UBE3D: variants seen among roughly 807,000 people sequenced by gnomAD.
UBE3D encodes ubiquitin protein ligase E3D.
Under a neutral mutation model 49.6 loss-of-function variants are expected in UBE3D, and 48 were observed. The observed-to-expected ratio is 0.97, with a 90% confidence interval of 0.77 to 1.23. The LOEUF is 1.23. Among genes scored for constraint, UBE3D ranks in the 50% most tolerant of loss-of-function variants. The pLI is 0.00. For missense variants in UBE3D, 452 were observed against 468.4 expected, an observed-to-expected ratio of 0.96 and a Z score of 0.32; for synonymous variants, 189 against 174.2, an observed-to-expected ratio of 1.08 and a Z score of -0.67.
intron 6 of UBE3D, among the ~76,000 whole-genome samples, chr6:83,023,408 T>C (rs1363727186): frequency 6.6e-6 from 1 of 152,162 alleles, no homozygotes. Flanking sequence ...ATATGTGTGG[T>C]TTGGTTCAAC....
At chr6:82,890,807 A>G (rs1770965579), downstream of UBE3D, among the ~76,000 whole-genome samples, 2 of 152,220 alleles carry the variant, frequency 1.3e-5, no homozygotes, top group African/African-American at 4.8e-5. Context: ...TTTTTTGAGC[A>G]GTACAGAGTT....
Position 83,044,561 on chromosome 6 carries a change from T to C in UBE3D, c.464A>G (p.His155Arg). 1.2e-6 allele frequency: 2 copies of C among 1,614,102 alleles called. No homozygotes were observed. Among genetic ancestry groups the C allele is most frequent in the Non-Finnish European group, 8.5e-7 (1 of 1,179,984 alleles). The change falls in exon 4 of 10, where the codon CAT (histidine) becomes CGT (arginine). Residue 155 changes from histidine to arginine, a missense_variant. Physicochemically the swap from His to Arg is conservative, Grantham distance 29 (BLOSUM62 0). Coordinates refer to ENST00000369747, the MANE Select transcript of UBE3D (RefSeq NM_198920.3). ...HPDPFANKSL[H>R]PQENDCFIGD... ...AATAAAACAGTCATTCTCTTGCGGA[T>C]GAAGTGATTTATTAGCAAAGGGGTC...
At chr6:82,921,967 G>A (rs1414239803) in intron 9 of UBE3D, among the ~76,000 whole-genome samples, 1 of 152,078 alleles carries the variant, frequency 6.6e-6, no homozygotes, top group Non-Finnish European at 1.5e-5. Flanking sequence ...CAGAACTTAT[G>A]GGAAGATTTG....
intron 9 of UBE3D, among the ~76,000 whole-genome samples, chr6:82,902,520 G>C (rs1771812026): frequency 6.6e-6 from 1 of 152,046 alleles, no homozygotes; most frequent in Non-Finnish European, 1.5e-5. Flanking sequence ...AATCTCAAAA[G>C]GTTACATACT....
intron 9 of UBE3D, among the ~76,000 whole-genome samples, chr6:82,906,557 ATT>A (rs1657527510): frequency 6.6e-6 from 1 of 152,106 alleles, no homozygotes; most frequent in African/African-American, 2.4e-5. Flanking sequence ...TGTCTTGTAC[ATT>A]TCTTATCTCA....
chr6:83,044,636 A>G lies in UBE3D; in HGVS notation c.389T>C (p.Leu130Pro), dbSNP rs1461237076. The change falls in exon 4 of 10, where the codon CTG becomes CCG. Residue 130 changes from leucine (L) to proline (P), a missense_variant. Leu to Pro is a moderately conservative substitution (Grantham distance 98, BLOSUM62 -3). Coordinates refer to ENST00000369747, the MANE Select transcript of UBE3D (RefSeq NM_198920.3). ...KDRKLLRVLP[L>P]PSENWGALVG... ...TAGAGCTCCCCAGTTCTCACTCGGC[A>G]GTGGGAGCACCCTGAGGAGCTTCCT... is the stretch of plus-strand genomic sequence containing the variant. 1.2e-6 allele frequency: 2 copies of G among 1,614,020 alleles called. No individual in the cohort carries two copies. The highest frequency in any genetic ancestry group is 2.7e-5 in the African/African-American group (2 of 74,936).
intron 7 of UBE3D, among the ~76,000 whole-genome samples, chr6:83,021,872 A>G (rs1407582726): frequency 6.6e-6 from 1 of 152,076 alleles, no homozygotes; most frequent in Admixed American, 6.5e-5. Flanking sequence ...CCATCTCAAA[A>G]AAAAAACAAA....
chr6:83,021,448 A>G (rs1251387342), intron 7 of UBE3D, among the ~76,000 whole-genome samples: 2 of 152,098 alleles, frequency 1.3e-5, no homozygotes, highest in East Asian at 1.9e-4. Flanking sequence ...TCTCAAAAAA[A>G]CAAAAAACAA....
chr6:82,966,997 T>C (rs973514560), intron 8 of UBE3D, among the ~76,000 whole-genome samples: 2 of 152,110 alleles, frequency 1.3e-5, no homozygotes, highest in Non-Finnish European at 2.9e-5. Context: ...CTTAAAAATA[T>C]TTTTTTCATT....
rs780103096 is a variant in UBE3D at position 82,914,552 on chromosome 6, AG to A, written c.1150-21511del. ...CTACTGTGGCACCTCGGCGTCAAGCAGGGCAGCTTTACTTTCTCTCTGCTTT... is the reference window on the plus strand; with the variant it reads ...CTACTGTGGCACCTCGGCGTCAAGCAGGCAGCTTTACTTTCTCTCTGCTTT... On this transcript the variant is annotated intron_variant, in intron 9 of 9. Transcript: ENST00000369747. Among the ~76,000 whole-genome samples, 4 of 152,296 alleles carry A rather than the reference AG, an allele frequency of 2.6e-5. No homozygotes were observed. In the East Asian group the frequency reaches 7.7e-4, roughly 29 times the overall value.
intron 3 of UBE3D, among the ~76,000 whole-genome samples, chr6:83,046,555 TC>T (rs1014522187): frequency 2.6e-5 from 4 of 151,860 alleles, no homozygotes; most frequent in Non-Finnish European, 4.4e-5. Context: ...ACACATACAG[TC>T]CGTCTCTCTT....
chr6:83,055,178 A>G (rs921388345), intron 2 of UBE3D, among the ~76,000 whole-genome samples: 1 of 152,168 alleles, frequency 6.6e-6, no homozygotes, highest in Non-Finnish European at 1.5e-5. Flanking sequence ...GGGAAAGAGC[A>G]GCATAAGGCC....
chr6:82,971,960 T>A lies in UBE3D; in HGVS notation c.1011-14510A>T, dbSNP rs187167346. The stretch of plus-strand genomic sequence containing the variant: ...TGGTATAACAAATAGGTTCTCTTCA[T>A]TTTTCACTTCAAATTGGTTGGCAGT... On this transcript the variant is annotated intron_variant, in intron 8 of 9. Transcript: ENST00000369747. Among the ~76,000 whole-genome samples the A allele has an allele frequency of 3.5e-3, 537 of 152,286 alleles. 2 individuals carry two copies. Among genetic ancestry groups the A allele is most frequent in the African/African-American group, 0.011 (473 of 41,566 alleles).
In UBE3D at chr6:83,057,830, G is replaced by C. The variant is rs1163412224; in HGVS notation, c.270C>G (p.Gly90=). ...HLRLQTQAKL[G]TKLISMFNQS... Reference sequence around the variant, plus strand: ...AGAAGTGCTAATATTACTCACTTGTGCCTAATTTTGCTTGCGTCTGCAGTC... The same window carrying C: ...AGAAGTGCTAATATTACTCACTTGTCCCTAATTTTGCTTGCGTCTGCAGTC... The change falls in exon 2 of 10, where the codon GGC becomes GGG. Residue 90 remains glycine (G), a synonymous_variant. Coordinates refer to ENST00000369747, the MANE Select transcript of UBE3D (RefSeq NM_198920.3). 4 of 1,613,950 alleles carry C rather than the reference G, an allele frequency of 2.5e-6. No homozygotes were observed. Among genetic ancestry groups the C allele is most frequent in the Non-Finnish European group, 3.4e-6 (4 of 1,179,934 alleles).
intron 5 of UBE3D, among the ~76,000 whole-genome samples, chr6:83,031,899 G>A (rs1781902004): frequency 6.6e-6 from 1 of 152,200 alleles, no homozygotes; most frequent in South Asian, 2.1e-4. Context: ...CAAATTCCAT[G>A]TGGTGACAAG....
chr6:82,948,487 T>A (rs1188854867), intron 9 of UBE3D, among the ~76,000 whole-genome samples: 1 of 151,920 alleles, frequency 6.6e-6, no homozygotes, highest in Non-Finnish European at 1.5e-5. Context: ...AAATAGAGAA[T>A]GGAATACCTC....
chr6:83,021,025 G>A (rs531945508), intron 7 of UBE3D, among the ~76,000 whole-genome samples: 1 of 152,348 alleles, frequency 6.6e-6, no homozygotes, highest in African/African-American at 2.4e-5. Context: ...TTCAGAGGTA[G>A]TGTAATATTA....
chr6:82,982,159 G>A (rs567840613), intron 8 of UBE3D, among the ~76,000 whole-genome samples: 3 of 152,122 alleles, frequency 2.0e-5, no homozygotes, highest in Admixed American at 6.5e-5. Context: ...ATCAATTCAC[G>A]GCTAACTTGT....
At chr6:82,895,929 G>A (rs1018752201) in intron 9 of UBE3D, among the ~76,000 whole-genome samples, 3 of 152,176 alleles carry the variant, frequency 2.0e-5, no homozygotes, top group African/African-American at 7.2e-5. Context: ...AACTACAAAA[G>A]AGGCTAAGCT....
Sources: gnomAD v4.1 joint callset for allele counts (sites outside exome capture counted in the v4.1 genomes callset) on GRCh38, gnomAD v4.1.1 for gene constraint, MANE v1.5 for transcripts, NCBI Gene and HGNC (gene_info 2026-07-23, HGNC 2026-07-21) for gene names.